RAPGEF5: variants seen among roughly 807,000 people sequenced by gnomAD.
RAPGEF5 encodes the protein M-Ras-regulated GEF.
RAPGEF5 carries 65 observed loss-of-function variants against 125.2 expected under a neutral mutation model. That is an observed-to-expected ratio of 0.52 (90% CI 0.43 to 0.64). The LOEUF (loss-of-function observed/expected upper bound fraction) is 0.64. Ranked by LOEUF, RAPGEF5 falls within the 30% of genes least tolerant of loss-of-function variation. The pLI, the probability that RAPGEF5 is intolerant of heterozygous loss-of-function variation, is 0.00. For synonymous variants in RAPGEF5, 391 were observed against 385.9 expected (o/e 1.01, Z -0.16); for missense variants, 958 against 1,048.1 (o/e 0.91, Z 1.19).
intron 7 of RAPGEF5, among the ~76,000 whole-genome samples, chr7:22,244,879 T>G (rs1444898097): frequency 6.6e-6 from 1 of 152,228 alleles, no homozygotes. Context: ...GTAATTACAT[T>G]TCTAGTTTTT....
chr7:22,282,139 C>T (rs1240170906), intron 6 of RAPGEF5, among the ~76,000 whole-genome samples: 4 of 152,110 alleles, frequency 2.6e-5, no homozygotes, highest in African/African-American at 4.8e-5. Context: ...ATTTTAAAAC[C>T]GTAACTGAGC....
intron 18 of RAPGEF5, among the ~76,000 whole-genome samples, chr7:22,147,977 A>G (rs535557961): frequency 1.6e-4 from 24 of 152,208 alleles, no homozygotes; most frequent in Non-Finnish European, 2.6e-4. Flanking sequence ...TTTTTTTTAA[A>G]AAACCTAATG....
chr7:22,153,377 AT>A (rs1362910282), intron 17 of RAPGEF5, among the ~76,000 whole-genome samples: 1 of 152,222 alleles, frequency 6.6e-6, no homozygotes, highest in Non-Finnish European at 1.5e-5. Context: ...CCACTCTCTG[AT>A]TAAAAGTCAT....
chr7:22,259,592 AC>A (rs1233736862), intron 7 of RAPGEF5, among the ~76,000 whole-genome samples: 1 of 152,240 alleles, frequency 6.6e-6, no homozygotes, highest in Non-Finnish European at 1.5e-5. Flanking sequence ...CTTGAAAACA[AC>A]CAAGATGTCT....
chr7:22,167,602 A>G (rs1784212243), intron 11 of RAPGEF5, among the ~76,000 whole-genome samples: 1 of 152,202 alleles, frequency 6.6e-6, no homozygotes, highest in South Asian at 2.1e-4. Flanking sequence ...GGCAAGAACA[A>G]TGAATAATAA....
At chr7:22,348,230 C>T (rs1229827962) in intron 1 of RAPGEF5, among the ~76,000 whole-genome samples, 1 of 152,136 alleles carries the variant, frequency 6.6e-6, no homozygotes, top group East Asian at 1.9e-4. Flanking sequence ...AATCCCCCCA[C>T]CCACAACAAA....
intron 8 of RAPGEF5, among the ~76,000 whole-genome samples, chr7:22,227,382 T>C (rs2128133884): frequency 6.6e-6 from 1 of 152,322 alleles, no homozygotes; most frequent in East Asian, 1.9e-4. Context: ...GATAAATTAG[T>C]TACCAAATAT....
intron 21 of RAPGEF5, among the ~76,000 whole-genome samples, chr7:22,139,538 G>A (rs1039047841): frequency 6.6e-6 from 1 of 152,204 alleles, no homozygotes; most frequent in Non-Finnish European, 1.5e-5. Flanking sequence ...AGCCTTCGGC[G>A]TGCAGAGCCA....
chr7:22,299,882 ATG>A (rs1393083400), intron 5 of RAPGEF5, among the ~76,000 whole-genome samples: 1 of 151,698 alleles, frequency 6.6e-6, no homozygotes, highest in Non-Finnish European at 1.5e-5. Context: ...CCTGTAGGTA[ATG>A]TGTCATTTTA....
At chr7:22,225,877 G>A (rs1412809372) in intron 8 of RAPGEF5, among the ~76,000 whole-genome samples, 1 of 152,158 alleles carries the variant, frequency 6.6e-6, no homozygotes, top group Middle Eastern at 3.2e-3. Context: ...GTTATTCATA[G>A]GATTTTCAGC....
In RAPGEF5 at chr7:22,127,338, C is replaced by T. The variant is rs78746431; in HGVS notation, c.2482-1680G>A. 6.7e-3 allele frequency among the ~76,000 whole-genome samples: 1,024 copies of T among 152,236 alleles called. 19 individuals are homozygous for T. Among genetic ancestry groups the T allele is most frequent in the African/African-American group, 0.024 (978 of 41,526 alleles). On this transcript the variant is annotated intron_variant, in intron 24 of 25. Coordinates refer to ENST00000665637, the MANE Select transcript of RAPGEF5 (RefSeq NM_012294.5). The stretch of plus-strand genomic sequence containing the variant: ...ACAGGCATCAGCCACCCCACCTGGC[C>T]GGCAAAAGTCTTCTTAAATGTACAG...
chr7:22,279,100 T>C (rs1269965351), intron 6 of RAPGEF5, among the ~76,000 whole-genome samples: 2 of 152,188 alleles, frequency 1.3e-5, no homozygotes, highest in East Asian at 3.8e-4. Context: ...TCTTTTGTTT[T>C]AAAGAGAAAA....
intron 20 of RAPGEF5, among the ~76,000 whole-genome samples, chr7:22,140,600 A>G (rs1208727101): frequency 6.6e-6 from 1 of 152,184 alleles, no homozygotes; most frequent in African/African-American, 2.4e-5. Flanking sequence ...CTACTATAAT[A>G]TGTATATATT....
At chr7:22,263,550 C>T (rs1193761732) in intron 7 of RAPGEF5, among the ~76,000 whole-genome samples, 2 of 151,708 alleles carry the variant, frequency 1.3e-5, no homozygotes, top group Non-Finnish European at 2.9e-5. Flanking sequence ...GCCAACATGG[C>T]GAAACACTGT....
intron 20 of RAPGEF5, among the ~76,000 whole-genome samples, chr7:22,140,682 T>G (rs1016496786): frequency 7.9e-5 from 12 of 152,180 alleles, no homozygotes; most frequent in African/African-American, 2.9e-4. Context: ...AAATGCAAAA[T>G]AAGATCATGT....
chr7:22,157,807 GTC>G (rs773117355), intron 15 of RAPGEF5, 46 bp downstream of exon 15: 420 of 1,568,868 alleles, frequency 2.7e-4, no homozygotes, highest in Middle Eastern at 2.0e-3. Flanking sequence ...GCAAGGCAAG[GTC>G]TCCAAACCGG....
chr7:22,206,743 AAAAAT>A (rs1423921757), intron 9 of RAPGEF5, among the ~76,000 whole-genome samples: 1 of 152,046 alleles, frequency 6.6e-6, no homozygotes, highest in African/African-American at 2.4e-5. Context: ...AAGGAATAGA[AAAAAT>A]AAAATAAAAT....
chr7:22,150,650 C>T, intron 17 of RAPGEF5, 146 bp from the exon 18 acceptor site: 1 of 1,172,024 alleles, frequency 8.5e-7, no homozygotes, highest in Non-Finnish European at 1.1e-6. Flanking sequence ...TAATTAAGTT[C>T]TGCACACTCT....
intron 1 of RAPGEF5, among the ~76,000 whole-genome samples, chr7:22,353,474 T>C (rs1784365684): frequency 1.3e-5 from 2 of 152,168 alleles, no homozygotes; most frequent in South Asian, 2.1e-4. Context: ...TAAGACAACA[T>C]GATGTACGGA....
Sources: allele counts gnomAD v4.1 joint callset (sites outside exome capture counted in the v4.1 genomes callset), GRCh38; gene constraint gnomAD v4.1.1; transcripts MANE v1.5; gene names NCBI Gene and HGNC (gene_info 2026-07-23, HGNC 2026-07-21).